MYO19: variants seen among roughly 807,000 people sequenced by gnomAD.
MYO19 encodes myosin XIX.
Under a neutral mutation model 129.2 loss-of-function variants are expected in MYO19, and 132 were observed. The ratio of observed to expected loss-of-function variants is 1.02; its 90% CI spans 0.89 to 1.18. The LOEUF (loss-of-function observed/expected upper bound fraction) is 1.18, where lower values mean the gene tolerates loss of function less well. MYO19 is among the 50% of genes most tolerant of loss of function. The pLI is 0.00. For missense variants in MYO19, 1,210 were observed against 1,216.7 expected (o/e 0.99, Z 0.08); for synonymous variants, 531 against 477.2 (o/e 1.11, Z -1.47).
chr17:36,523,453 G>C (rs567842707), intron 6 of MYO19, among the ~76,000 whole-genome samples: 30 of 152,228 alleles, frequency 2.0e-4, no homozygotes, highest in Non-Finnish European at 3.4e-4. Context: ...GACAAGTCTG[G>C]TAATGAGTTA....
Position 36,522,291 on chromosome 17 carries a change from C to T in MYO19, c.414+2937G>A, listed in dbSNP as rs553825566. ...TTGGGAGGCCGAGGCAGGTGGATCA[C>T]GAAGTCAGGAGTTCAAGACCAGCCT... On this transcript the variant is annotated intron_variant, in intron 6 of 25. Coordinates refer to ENST00000614623, the MANE Select transcript of MYO19 (RefSeq NM_001163735.2). 5.3e-5 allele frequency among the ~76,000 whole-genome samples: 8 copies of T among 150,926 alleles called. No homozygotes were observed. The East Asian group carries it at 1.6e-3, about 30-fold the overall frequency.
intron 25 of MYO19, 94 bp from the exon 26 acceptor site, chr17:36,496,500 GT>G: frequency 8.6e-7 from 1 of 1,164,086 alleles, no homozygotes; most frequent in Non-Finnish European, 1.2e-6. Context: ...ATGCAAGAAG[GT>G]ATGGACAAGT....
At chr17:36,517,949 G>A (rs1267845499) in intron 6 of MYO19, among the ~76,000 whole-genome samples, 2 of 152,022 alleles carry the variant, frequency 1.3e-5, no homozygotes, top group African/African-American at 2.4e-5. Flanking sequence ...ACTTATCTGG[G>A]TGTCATGGCA....
intron 2 of MYO19, chr17:36,533,699 C>T (rs1022836601): frequency 6.6e-6 from 1 of 152,218 alleles, no homozygotes; most frequent in East Asian, 1.9e-4. Flanking sequence ...GATCCTGACC[C>T]TGGACACTGA....
In MYO19 at chr17:36,525,284, G is replaced by C. The variant is rs752219934; in HGVS notation, c.358C>G (p.Leu120Val). The C allele has an allele frequency of 6.2e-7, 1 of 1,613,988 alleles. No individual in the cohort carries two copies. Among genetic ancestry groups the C allele is most frequent in the Non-Finnish European group, 8.5e-7 (1 of 1,179,874 alleles). The change falls in exon 6 of 26, where the codon CTG becomes GTG. Residue 120 changes from leucine to valine, a missense_variant. Coordinates refer to ENST00000614623, the MANE Select transcript of MYO19 (RefSeq NM_001163735.2). The part of the protein sequence containing the change: ...GEQTYRNVKS[L>V]IEPVNQSIVV... ...ATAGACTGGTTGACTGGTTCAATCA[G>C]GCTCTTGACATTCCTGTAGGTCTGT... is the stretch of plus-strand genomic sequence containing the variant.
chr17:36,532,248 A>T (rs377165079), intron 3 of MYO19, among the ~76,000 whole-genome samples: 2 of 152,296 alleles, frequency 1.3e-5, no homozygotes, highest in South Asian at 4.2e-4. Context: ...GGTGGCAGGG[A>T]CATCTCTCAG....
chr17:36,538,502 T>TA, upstream of MYO19: 1 of 1,614,082 alleles, frequency 6.2e-7, no homozygotes, highest in Non-Finnish European at 8.5e-7. Flanking sequence ...TGATGGTAGA[T>TA]ACATTACACA....
At chr17:36,542,179 C>A (rs1469213784) in intron 1 of MYO19, 1 of 152,044 alleles carries the variant, frequency 6.6e-6, no homozygotes, top group African/African-American at 2.4e-5. Context: ...AGAGACAAAC[C>A]CAAATTAGGG....
chr17:36,528,282 G>C, intron 3 of MYO19, 80 bp from the exon 4 acceptor site: 1 of 1,441,360 alleles, frequency 6.9e-7, no homozygotes, highest in Non-Finnish European at 9.4e-7. Context: ...GCCAAGGCGG[G>C]CAGGACACAA....
At position 36,525,230 on chromosome 17, in the gene MYO19, T is replaced by C; in HGVS notation, c.412A>G (p.Lys138Glu). 6.2e-7 allele frequency: 1 copy of C among 1,612,704 alleles called. No homozygotes were observed. The highest frequency in any genetic ancestry group is 8.5e-7 in the Non-Finnish European group (1 of 1,178,806). Residue 138 changes from lysine to glutamate, a missense_variant and splice_region_variant, in exon 6 of 26, where the codon AAG becomes GAG. Coordinates refer to ENST00000614623, the MANE Select transcript of MYO19 (RefSeq NM_001163735.2). The stretch of plus-strand genomic sequence containing the variant: ...GGATGGGAAAGACGTCTTCCTACCT[T>C]TCCAGCACCACTCTCTCCACTGACA... ...IVVSGESGAG[K>E]TWTSRCLMKF...
intron 23 of MYO19, chr17:36,499,624 C>T (rs2071323750): frequency 6.7e-6 from 1 of 150,246 alleles, no homozygotes; most frequent in South Asian, 2.1e-4. Context: ...ATTTTTATTC[C>T]CTTCTCTGCA....
At chr17:36,524,957 T>A (rs938920623) in intron 6 of MYO19, among the ~76,000 whole-genome samples, 1 of 152,212 alleles carries the variant, frequency 6.6e-6, no homozygotes, top group African/African-American at 2.4e-5. Flanking sequence ...GGAGACACTT[T>A]CGATGAGAAA....
rs368292066 is a variant in MYO19 at position 36,498,439 on chromosome 17, G to A, written c.2584C>T (p.Arg862Cys). The A allele has an allele frequency of 1.5e-5, 25 of 1,613,866 alleles. No homozygotes were observed. Among genetic ancestry groups the A allele is most frequent in the South Asian group, 4.4e-5 (4 of 91,088 alleles). Residue 862 changes from arginine to cysteine, a missense_variant, in exon 25 of 26, where the codon CGC becomes TGC. By Grantham distance (180) the Arg-to-Cys change is radical. Transcript: ENST00000614623. ...AGGACCAGTCCCAGGGGCCAGAGGC[G>A]GATTATTGCCTCCAGGAGCCTGGTC... Reference protein sequence around the residue: ...LQTRLLEAIIRLWPLGLVLAN... With the variant: ...LQTRLLEAIICLWPLGLVLAN...
At chr17:36,514,673 T>G (rs376285685) in intron 8 of MYO19, 125 bp from the exon 9 acceptor site, 1 of 676,292 alleles carries the variant, frequency 1.5e-6, no homozygotes, top group East Asian at 2.6e-5. Flanking sequence ...ACTTAGCCAA[T>G]GGGCACTGAG....
chr17:36,537,151 CCA>C, upstream of MYO19: 1 of 1,612,716 alleles, frequency 6.2e-7, no homozygotes, highest in Non-Finnish European at 8.5e-7. Context: ...CTCAATGGAA[CCA>C]CCGTGCTGGA....
exon 2 of MYO19, chr17:36,542,121 A>G (rs1032737660): frequency 6.6e-6 from 1 of 152,226 alleles, no homozygotes; most frequent in Non-Finnish European, 1.5e-5. Flanking sequence ...ATACGTTTTC[A>G]TTGAATTCCT....
chr17:36,532,477 A>G, intron 3 of MYO19, 50 bp downstream of exon 3: 1 of 1,551,352 alleles, frequency 6.4e-7, no homozygotes, highest in Non-Finnish European at 8.7e-7. Context: ...GGCTAGCAAC[A>G]GATGCTGCAG....
At chr17:36,509,231 G>T in intron 13 of MYO19, 96 bp from the exon 14 acceptor site, 1 of 1,075,398 alleles carries the variant, frequency 9.3e-7, no homozygotes, top group Non-Finnish European at 1.4e-6. Context: ...CACCCTGGGG[G>T]GCCCTTGTAT....
Position 36,527,558 on chromosome 17 carries a change from T to C in MYO19, c.293A>G (p.Gln98Arg). The C allele has an allele frequency of 1.9e-6, 3 of 1,613,550 alleles. No individual in the cohort carries two copies. The highest frequency in any genetic ancestry group is 2.5e-6 in the Non-Finnish European group (3 of 1,179,710). ...GCAGCGGCAGAGCCTTACCTGGGGC[T>C]GAGGCGCAGCATGGTACTCTCTCAT... Reference protein sequence around the residue: ...ELMREYHAAPQPQKLKPHVFT... With the variant: ...ELMREYHAAPRPQKLKPHVFT... The change falls in exon 5 of 26, where the codon CAG becomes CGG. Residue 98 changes from glutamine to arginine, a missense_variant. Physicochemically the swap from Gln to Arg is conservative, Grantham distance 43 (BLOSUM62 1). Coordinates refer to ENST00000614623, the MANE Select transcript of MYO19 (RefSeq NM_001163735.2).
Sources: allele counts gnomAD v4.1 joint callset (sites outside exome capture counted in the v4.1 genomes callset), GRCh38; gene constraint gnomAD v4.1.1; transcripts MANE v1.5; gene names NCBI Gene and HGNC (gene_info 2026-07-23, HGNC 2026-07-21).